SGMS1: variants seen among roughly 807,000 people sequenced by gnomAD.
The protein encoded by SGMS1 is sphingomyelin synthase 1, also known as phosphatidylcholine:ceramide cholinephosphotransferase 1.
SGMS1 carries 13 observed loss-of-function variants against 46.2 expected under a neutral mutation model. That is an observed-to-expected ratio of 0.28 (90% CI 0.18 to 0.45). The LOEUF (loss-of-function observed/expected upper bound fraction) is 0.45. Ranked by LOEUF, SGMS1 falls within the 20% of genes least tolerant of loss-of-function variation. The pLI is 1.00. For missense variants in SGMS1, 324 were observed against 519.9 expected (o/e 0.62, Z 3.66); for synonymous variants, 203 against 187.8 (o/e 1.08, Z -0.66).
intron 8 of SGMS1, among the ~76,000 whole-genome samples, chr10:50,316,821 T>A (rs1270693647): frequency 2.6e-5 from 4 of 152,200 alleles, no homozygotes; most frequent in African/African-American, 7.2e-5. Context: ...TTCAGCAGCC[T>A]GCAACTGAGA....
intron 1 of SGMS1, among the ~76,000 whole-genome samples, chr10:50,594,064 C>T (rs913551784): frequency 2.6e-5 from 4 of 152,128 alleles, no homozygotes; most frequent in Non-Finnish European, 4.4e-5. Context: ...ACTCTTTAGC[C>T]GCCTTTCCAG....
At chr10:50,369,380 C>A (rs1848398701) in intron 6 of SGMS1, among the ~76,000 whole-genome samples, 1 of 152,118 alleles carries the variant, frequency 6.6e-6, no homozygotes, top group Non-Finnish European at 1.5e-5. Flanking sequence ...TGCTTATGGT[C>A]CCAGCTACTT....
At position 50,466,932 on chromosome 10, in the gene SGMS1, T is replaced by C. The variant is rs938117179; in HGVS notation, c.-497A>G. The C allele has an allele frequency of 1.2e-4, 18 of 152,170 alleles. No individual in the cohort carries two copies. The highest frequency in any genetic ancestry group is 3.6e-4 in the African/African-American group (15 of 41,408). 9.4% of individuals were successfully genotyped at this position (152,170 alleles called of 1,614,324 possible). On this transcript the variant is annotated splice_region_variant and 5_prime_UTR_variant, in exon 4 of 11. Transcript: ENST00000361781. ...TTTTCTTCATCAGTCTTCTTTCCAATCTAGAAGAAGTAATAAGTAAATTAA... is the reference window on the plus strand; with the variant it reads ...TTTTCTTCATCAGTCTTCTTTCCAACCTAGAAGAAGTAATAAGTAAATTAA...
At chr10:50,323,009 T>C (rs1847474746) in intron 8 of SGMS1, among the ~76,000 whole-genome samples, 1 of 152,180 alleles carries the variant, frequency 6.6e-6, no homozygotes, top group Non-Finnish European at 1.5e-5. Flanking sequence ...GCCAGAAATT[T>C]GCAATCTAGA....
intron 6 of SGMS1, among the ~76,000 whole-genome samples, chr10:50,423,021 G>A (rs1391206078): frequency 6.6e-6 from 1 of 152,154 alleles, no homozygotes; most frequent in Non-Finnish European, 1.5e-5. Flanking sequence ...CATGACAAAA[G>A]CACTGACTTT....
intron 8 of SGMS1, among the ~76,000 whole-genome samples, chr10:50,314,302 TG>T (rs1354684509): frequency 6.6e-6 from 1 of 151,562 alleles, no homozygotes; most frequent in Non-Finnish European, 1.5e-5. Flanking sequence ...ATGGAGGGGA[TG>T]GGGGGAAGCA....
intron 1 of SGMS1, among the ~76,000 whole-genome samples, chr10:50,601,711 A>G (rs1838651568): frequency 6.6e-6 from 1 of 152,224 alleles, no homozygotes; most frequent in Non-Finnish European, 1.5e-5. Flanking sequence ...CATCAGATGT[A>G]GTACAGGTTG....
At chr10:50,562,366 A>G (rs61858113) in intron 2 of SGMS1, among the ~76,000 whole-genome samples, 9,129 of 68,302 alleles carry the variant, frequency 0.13, 667 homozygotes, top group African/African-American at 0.36. Context: ...GCGCGCGCGC[A>G]CACACACACA....
intron 6 of SGMS1, among the ~76,000 whole-genome samples, chr10:50,376,041 T>A (rs930409975): frequency 6.6e-6 from 1 of 152,160 alleles, no homozygotes; most frequent in Non-Finnish European, 1.5e-5. Context: ...AAAGGTTTGG[T>A]CTCATGCTTT....
Position 50,482,041 on chromosome 10 carries a change from A to C in SGMS1, c.-497-15109T>G, listed in dbSNP as rs189410097. On this transcript the variant is annotated intron_variant, in intron 3 of 10. Transcript: ENST00000361781. ...ATTATGTAAAAAGACCAAACCTATA[A>C]CTGATTGGGGTACCTAAAAGAGATG... Among the ~76,000 whole-genome samples, 1,309 of 152,264 alleles carry C rather than the reference A, an allele frequency of 8.6e-3. 17 individuals carry two copies. Among genetic ancestry groups the C allele is most frequent in the African/African-American group, 0.03 (1,247 of 41,548 alleles).
At chr10:50,440,092 G>A (rs1849522426) in intron 5 of SGMS1, among the ~76,000 whole-genome samples, 1 of 152,184 alleles carries the variant, frequency 6.6e-6, no homozygotes. Context: ...TAGGAATGCA[G>A]ACCACAGCTC....
chr10:50,390,706 G>C lies in SGMS1; in HGVS notation c.-232+42770C>G, dbSNP rs542481718. ...CTAGATACTTTAAAAATCTTTTTTG[G>C]AATTACTCCCTTTGAAAGAAATTGG... On this transcript the variant is annotated intron_variant, in intron 6 of 10. Coordinates refer to ENST00000361781, the MANE Select transcript of SGMS1 (RefSeq NM_147156.4). Among the ~76,000 whole-genome samples, 301 of 152,222 alleles carry C rather than the reference G, an allele frequency of 2.0e-3. 3 individuals are homozygous for C. Among genetic ancestry groups the C allele is most frequent in the South Asian group, 0.014 (66 of 4,822 alleles).
intron 6 of SGMS1, among the ~76,000 whole-genome samples, chr10:50,383,623 T>C (rs1244701448): frequency 1.3e-5 from 2 of 152,142 alleles, no homozygotes; most frequent in African/African-American, 2.4e-5. Context: ...CTAGTTTCAT[T>C]TTCCTTGGTT....
chr10:50,393,589 T>C (rs1848806488), intron 6 of SGMS1, among the ~76,000 whole-genome samples: 1 of 152,090 alleles, frequency 6.6e-6, no homozygotes, highest in Non-Finnish European at 1.5e-5. Context: ...CGTCAGGCAA[T>C]GACACACCAT....
chr10:50,470,873 C>G (rs1291228894), intron 3 of SGMS1, among the ~76,000 whole-genome samples: 4 of 152,130 alleles, frequency 2.6e-5, no homozygotes, highest in Non-Finnish European at 5.9e-5. Flanking sequence ...ACTGGCCTCT[C>G]AAACCGGTTT....
chr10:50,553,590 AGCTTGG>A (rs1268237558), intron 2 of SGMS1, among the ~76,000 whole-genome samples: 1 of 152,160 alleles, frequency 6.6e-6, no homozygotes, highest in Non-Finnish European at 1.5e-5. Context: ...CCCAATTTCT[AGCTTGG>A]GGCATTTAAA....
chr10:50,312,718 C>T (rs1387669900), intron 8 of SGMS1, among the ~76,000 whole-genome samples: 1 of 152,082 alleles, frequency 6.6e-6, no homozygotes, highest in Non-Finnish European at 1.5e-5. Context: ...TTCATATATA[C>T]ACGATTTAAA....
intron 6 of SGMS1, among the ~76,000 whole-genome samples, chr10:50,386,963 A>G (rs1848692632): frequency 6.6e-6 from 1 of 152,180 alleles, no homozygotes; most frequent in East Asian, 1.9e-4. Flanking sequence ...GAACCTAGGT[A>G]CTCAAGGTTC....
At chr10:50,359,001 T>A (rs960834637) in intron 6 of SGMS1, among the ~76,000 whole-genome samples, 6 of 152,204 alleles carry the variant, frequency 3.9e-5, no homozygotes, top group African/African-American at 1.4e-4. Flanking sequence ...GCCTTAACCT[T>A]TAAATTGTCC....
Sources: gnomAD v4.1 joint callset for allele counts (sites outside exome capture counted in the v4.1 genomes callset) on GRCh38, gnomAD v4.1.1 for gene constraint, MANE v1.5 for transcripts, NCBI Gene and HGNC (gene_info 2026-07-23, HGNC 2026-07-21) for gene names.